ZNF385B: variants seen among roughly 807,000 people sequenced by gnomAD.
The protein encoded by ZNF385B is zinc finger protein 533.
Under a neutral mutation model 39.2 loss-of-function variants are expected in ZNF385B, and 23 were observed. That is an observed-to-expected ratio of 0.59 (90% confidence interval 0.42 to 0.83). ZNF385B has a LOEUF of 0.83. ZNF385B is among the 40% of genes least tolerant of loss of function. The pLI is 0.00. For synonymous variants in ZNF385B, 205 were observed against 222.6 expected (o/e 0.92, Z 0.70); for missense variants, 552 against 598.9 (o/e 0.92, Z 0.82).
intron 3 of ZNF385B, among the ~76,000 whole-genome samples, chr2:179,587,375 A>T (rs529782820): frequency 6.6e-6 from 1 of 152,324 alleles, no homozygotes; most frequent in South Asian, 2.1e-4. Flanking sequence ...GAATTATGTG[A>T]CTAAGTGGCT....
rs370006114 is a variant in ZNF385B, at chr2:179,475,312, GCGAA to G, written c.715+7956_715+7959del. Among the ~76,000 whole-genome samples the G allele has an allele frequency of 1.4e-4, 21 of 149,618 alleles. No homozygotes were observed. In the East Asian group the frequency reaches 3.2e-3, roughly 23 times the overall value. On this transcript the variant is annotated intron_variant, in intron 6 of 9. Transcript: ENST00000410066. ...GTTACCCAGGCTGGAGTGCAGTGGT[GCGAA>G]CTCGGCTCACTGCAACCTCCACCTC... is the stretch of plus-strand genomic sequence containing the variant.
At chr2:179,484,213 TACTG>T (rs2054317842) in intron 5 of ZNF385B, among the ~76,000 whole-genome samples, 1 of 151,894 alleles carries the variant, frequency 6.6e-6, no homozygotes, top group African/African-American at 2.4e-5. Flanking sequence ...TTAATCAACT[TACTG>T]ACATTTGGAA....
In ZNF385B at chr2:179,699,878, A is replaced by G. The variant is rs1208776826; in HGVS notation, c.298+69625T>C. ...AACTAACTTAAGAAATAAACGAGGA[A>G]GAAAGAGTTGCTCATAAATGTCAGA... is the stretch of plus-strand genomic sequence containing the variant. On this transcript the variant is annotated intron_variant, in intron 3 of 9. Coordinates refer to ENST00000410066, the MANE Select transcript of ZNF385B (RefSeq NM_152520.6). 3.3e-5 allele frequency among the ~76,000 whole-genome samples: 5 copies of G among 152,330 alleles called. No individual in the cohort carries two copies. In the East Asian group the frequency reaches 9.6e-4, roughly 29 times the overall value.
At chr2:179,568,522 T>C (rs1304222051) in intron 3 of ZNF385B, among the ~76,000 whole-genome samples, 1 of 152,216 alleles carries the variant, frequency 6.6e-6, no homozygotes, top group African/African-American at 2.4e-5. Context: ...CATCAAATAG[T>C]TTCAAGGACT....
At chr2:179,589,499 T>C (rs1408406786) in intron 3 of ZNF385B, among the ~76,000 whole-genome samples, 1 of 152,128 alleles carries the variant, frequency 6.6e-6, no homozygotes, top group African/African-American at 2.4e-5. Context: ...AGTTGAGAAG[T>C]AGTGTGAAGA....
At chr2:179,484,714 G>C (rs1049525649) in intron 5 of ZNF385B, among the ~76,000 whole-genome samples, 2 of 152,098 alleles carry the variant, frequency 1.3e-5, no homozygotes, top group East Asian at 3.9e-4. Flanking sequence ...CCATATACAA[G>C]GGTAAGCTAA....
intron 3 of ZNF385B, among the ~76,000 whole-genome samples, chr2:179,691,970 CCAT>C (rs1478203844): frequency 1.3e-5 from 2 of 152,020 alleles, no homozygotes; most frequent in Non-Finnish European, 2.9e-5. Context: ...ACTTGGGTAT[CCAT>C]CTCCTCAAGC....
At chr2:179,604,547 T>C (rs1171351684) in intron 3 of ZNF385B, among the ~76,000 whole-genome samples, 2 of 152,046 alleles carry the variant, frequency 1.3e-5, no homozygotes, top group African/African-American at 2.4e-5. Flanking sequence ...ATGTTGGTAA[T>C]CTTTTTTGAA....
intron 3 of ZNF385B, among the ~76,000 whole-genome samples, chr2:179,551,849 C>G (rs4267476): frequency 0.44 from 67,489 of 151,746 alleles, 15,662 homozygotes; most frequent in Middle Eastern, 0.54. Context: ...AGACAGAGTC[C>G]AGGTCTCACA....
chr2:179,618,213 T>C (rs960290908), intron 3 of ZNF385B, among the ~76,000 whole-genome samples: 1 of 152,224 alleles, frequency 6.6e-6, no homozygotes, highest in Non-Finnish European at 1.5e-5. Flanking sequence ...AGATTATCAG[T>C]TTACTAATGA....
At chr2:179,646,475 G>GT (rs1377877007) in intron 3 of ZNF385B, among the ~76,000 whole-genome samples, 1 of 152,160 alleles carries the variant, frequency 6.6e-6, no homozygotes, top group Non-Finnish European at 1.5e-5. Flanking sequence ...TCTGTATCCT[G>GT]TTACCTACTT....
rs530650777 is a variant in ZNF385B, at chr2:179,501,202, T to C, written c.552+17326A>G. ...TGGGAGGTTACTGAAAAACTAAAAA[T>C]TGAGCTACCACATGATCCAGCAATC... On this transcript the variant is annotated intron_variant, in intron 5 of 9. Transcript: ENST00000410066. Among the ~76,000 whole-genome samples the C allele has an allele frequency of 3.9e-5, 6 of 152,204 alleles. No homozygotes were observed. The South Asian group carries it at 1.0e-3, about 26-fold the overall frequency.
intron 3 of ZNF385B, among the ~76,000 whole-genome samples, chr2:179,664,810 T>C (rs1452855886): frequency 1.3e-5 from 2 of 152,126 alleles, no homozygotes; most frequent in Non-Finnish European, 1.5e-5. Context: ...TTTGTGCACA[T>C]TTACAGAAAC....
At chr2:179,488,038 A>G (rs535132933) in intron 5 of ZNF385B, among the ~76,000 whole-genome samples, 57 of 152,390 alleles carry the variant, frequency 3.7e-4, no homozygotes, top group Non-Finnish European at 6.5e-4. Flanking sequence ...TGCAAACAAA[A>G]AAGATAAAGA....
At chr2:179,776,705 G>A (rs1704343189) in intron 1 of ZNF385B, among the ~76,000 whole-genome samples, 1 of 152,108 alleles carries the variant, frequency 6.6e-6, no homozygotes. Flanking sequence ...GGAAGGCAGT[G>A]GTCCAAAGCT....
intron 3 of ZNF385B, among the ~76,000 whole-genome samples, 170 bp downstream of exon 3, chr2:179,769,333 T>C (rs1391862110): frequency 6.6e-6 from 1 of 152,176 alleles, no homozygotes; most frequent in African/African-American, 2.4e-5. Flanking sequence ...GTAACAAATA[T>C]TTCGAGAGGT....
At chr2:179,581,738 C>T (rs934910268) in intron 3 of ZNF385B, among the ~76,000 whole-genome samples, 1 of 152,144 alleles carries the variant, frequency 6.6e-6, no homozygotes, top group Non-Finnish European at 1.5e-5. Context: ...TAGCTGGGAC[C>T]ACATGACTGG....
chr2:179,627,288 C>T (rs1690744493), intron 3 of ZNF385B, among the ~76,000 whole-genome samples: 3 of 152,100 alleles, frequency 2.0e-5, no homozygotes, highest in African/African-American at 7.2e-5. Context: ...CTGCCCCAGA[C>T]CAAGAGTTCT....
At chr2:179,554,077 AAACT>A (rs1411912911) in intron 3 of ZNF385B, among the ~76,000 whole-genome samples, 1 of 148,938 alleles carries the variant, frequency 6.7e-6, no homozygotes, top group Non-Finnish European at 1.5e-5. Flanking sequence ...ATGGGTGGGA[AAACT>A]AACTGAGGTT....
Sources: allele counts gnomAD v4.1 joint callset (sites outside exome capture counted in the v4.1 genomes callset), GRCh38; gene constraint gnomAD v4.1.1; transcripts MANE v1.5; gene names NCBI Gene and HGNC (gene_info 2026-07-23, HGNC 2026-07-21).